Variants in NRSN1 observed in about 807,000 individuals in gnomAD.
The protein encoded by NRSN1 is neurensin 1, also known as neurensin-1.
Under a neutral mutation model 17.3 loss-of-function variants are expected in NRSN1, and 14 were observed. The observed-to-expected ratio is 0.81, with a 90% CI of 0.54 to 1.27. The LOEUF (loss-of-function observed/expected upper bound fraction) is 1.27. NRSN1 is among the 50% of genes most tolerant of loss of function. The pLI, the probability that NRSN1 is intolerant of heterozygous loss-of-function variation, is 0.00. For missense variants in NRSN1, 209 were observed against 235.9 expected (o/e 0.89, Z 0.75); for synonymous variants, 79 against 94.2 (o/e 0.84, Z 0.93).
intron 3 of NRSN1, among the ~76,000 whole-genome samples, chr6:24,143,562 A>C (rs998735441): frequency 6.6e-6 from 1 of 152,184 alleles, no homozygotes; most frequent in Non-Finnish European, 1.5e-5. Flanking sequence ...AGATTAATTT[A>C]TGTTATGTAT....
At chr6:24,131,008 C>T (rs553550660) in intron 2 of NRSN1, among the ~76,000 whole-genome samples, 7 of 152,198 alleles carry the variant, frequency 4.6e-5, no homozygotes, top group African/African-American at 1.7e-4. Flanking sequence ...ATTCTCTGCC[C>T]CGTTTAGGTA....
chr6:24,142,213 T>TTTTTTTTTTTTTC (rs957826257), intron 3 of NRSN1, among the ~76,000 whole-genome samples: 4 of 132,636 alleles, frequency 3.0e-5, no homozygotes, highest in Non-Finnish European at 6.6e-5. Flanking sequence ...TTTTTTTTTT[T>TTTTTTTTTTTTTC]TCAGAAGACA....
intron 3 of NRSN1, among the ~76,000 whole-genome samples, chr6:24,137,312 C>T (rs867607161): frequency 6.6e-6 from 1 of 152,162 alleles, no homozygotes; most frequent in African/African-American, 2.4e-5. Context: ...TTCACAGTAT[C>T]ATTCTTCCTC....
chr6:24,139,339 T>G (rs1332133735), intron 3 of NRSN1, among the ~76,000 whole-genome samples: 1 of 152,196 alleles, frequency 6.6e-6, no homozygotes, highest in Non-Finnish European at 1.5e-5. Flanking sequence ...ATGGAGATCA[T>G]CAGGACACTG....
chr6:24,140,847 T>C, intron 3 of NRSN1: 3 of 1,286,676 alleles, frequency 2.3e-6, no homozygotes, highest in Non-Finnish European at 3.0e-6. Context: ...CAGCAGTCTC[T>C]GGCCTGTAGC....
At chr6:24,142,464 T>C (rs1321852558) in intron 3 of NRSN1, among the ~76,000 whole-genome samples, 1 of 152,100 alleles carries the variant, frequency 6.6e-6, no homozygotes, top group East Asian at 1.9e-4. Context: ...TTTTTCTCTC[T>C]CTTTTTTTCC....
Position 24,146,258 on chromosome 6 carries a change from C to A in NRSN1, c.*312C>A. 1.7e-6 allele frequency: 1 copy of A among 591,062 alleles called. No individual in the cohort carries two copies. Among genetic ancestry groups the A allele is most frequent in the Non-Finnish European group, 3.3e-6 (1 of 305,438 alleles). 36.6% of individuals were successfully genotyped at this position (591,062 alleles called of 1,614,324 possible). A position where few individuals can be genotyped will look rare whatever the true frequency, so the allele number is the denominator to read the frequency against. On this transcript the variant is annotated 3_prime_UTR_variant, in exon 4 of 4. Transcript: ENST00000378491. ...TTATTTTCCGTGTTGTTTGAAAGTG[C>A]CGAACAGTTTAGACCAGCTCACCAA... is the stretch of plus-strand genomic sequence containing the variant.
In NRSN1 at chr6:24,145,951, T is replaced by C; in HGVS notation, c.*5T>C. On this transcript the variant is annotated 3_prime_UTR_variant, in exon 4 of 4. Coordinates refer to ENST00000378491, the MANE Select transcript of NRSN1 (RefSeq NM_080723.5). This position sits in a 1 kb window ranked among gnomAD's most constrained non-coding sequence, Gnocchi z 4.4. ...CAGCCTCTACTGGCAACCTGAAACCTTTCCCACCCCAGTTCTTCTTGTCTG... is the reference window on the plus strand; with the variant it reads ...CAGCCTCTACTGGCAACCTGAAACCCTTCCCACCCCAGTTCTTCTTGTCTG... The C allele has an allele frequency of 6.3e-7, 1 of 1,595,658 alleles. No individual in the cohort carries two copies. The highest frequency in any genetic ancestry group is 8.5e-7 in the Non-Finnish European group (1 of 1,172,650).
chr6:24,128,742 T>C (rs1332824751), intron 2 of NRSN1: 1 of 152,250 alleles, frequency 6.6e-6, no homozygotes, highest in Admixed American at 6.5e-5. Context: ...AAAGTGGCTA[T>C]AATGGGAACC....
intron 1 of NRSN1, among the ~76,000 whole-genome samples, chr6:24,127,437 T>C (rs1250103284): frequency 6.6e-6 from 1 of 152,186 alleles, no homozygotes; most frequent in East Asian, 1.9e-4. Flanking sequence ...TTCTTAATGA[T>C]CCCATAAAAA....
At chr6:24,142,513 C>T (rs1381335264) in intron 3 of NRSN1, among the ~76,000 whole-genome samples, 1 of 151,928 alleles carries the variant, frequency 6.6e-6, no homozygotes, top group Admixed American at 6.6e-5. Context: ...GGCTGGAGTA[C>T]AACAATGTGA....
chr6:24,126,317 C>A lies in NRSN1; in HGVS notation c.-106C>A. 1 of 168,034 alleles carries A rather than the reference C, an allele frequency of 6.0e-6. No individual in the cohort carries two copies. Among genetic ancestry groups the A allele is most frequent in the South Asian group, 1.7e-4 (1 of 5,926 alleles). The allele number at this position is 168,034 out of a possible 1,614,324, so 10.4% of individuals were successfully genotyped here. A position where few individuals can be genotyped will look rare whatever the true frequency, so the allele number is the denominator to read the frequency against. On this transcript the variant is annotated 5_prime_UTR_variant, in exon 1 of 4. Coordinates refer to ENST00000378491, the MANE Select transcript of NRSN1 (RefSeq NM_080723.5). ...TGCAGCTAGGCTGGCTGCACTTGCT[C>A]CACGGGTCAGGGGATCGGAGGGGGT...
intron 2 of NRSN1, among the ~76,000 whole-genome samples, chr6:24,133,588 T>C (rs1321845058): frequency 6.6e-6 from 1 of 152,222 alleles, no homozygotes; most frequent in Admixed American, 6.5e-5. Flanking sequence ...CCCAATTCTT[T>C]AACATGTAAG....
rs1024133015 is a variant in NRSN1 at position 24,142,864 on chromosome 6, T to G, written c.190-2684T>G. On this transcript the variant is annotated intron_variant, in intron 3 of 3. Transcript: ENST00000378491. ...CAGGGTGGAAAGAGACCAGAGCAGGTTGCGGCTACTGGCGCGGGTGGCCAG... is the reference window on the plus strand; with the variant it reads ...CAGGGTGGAAAGAGACCAGAGCAGGGTGCGGCTACTGGCGCGGGTGGCCAG... Among the ~76,000 whole-genome samples, 2 of 152,152 alleles carry G rather than the reference T, an allele frequency of 1.3e-5. 1 individual carries two copies.
intron 3 of NRSN1, among the ~76,000 whole-genome samples, chr6:24,140,583 C>T (rs1025277290): frequency 6.6e-6 from 1 of 152,198 alleles, no homozygotes; most frequent in South Asian, 2.1e-4. Context: ...AGCCCATCTT[C>T]GCTCTTGATG....
Position 24,145,684 on chromosome 6 carries a change from A to T in NRSN1, c.326A>T (p.Asn109Ile), listed in dbSNP as rs750640752. 1.2e-6 allele frequency: 2 copies of T among 1,614,190 alleles called. No homozygotes were observed. The highest frequency in any genetic ancestry group is 2.2e-5 in the South Asian group (2 of 91,076). ...GTCGACACACATGCTGTCCAGTTTAACAGTGCTCTGGACATGTACAAGCTG... is the reference window on the plus strand; with the variant it reads ...GTCGACACACATGCTGTCCAGTTTATCAGTGCTCTGGACATGTACAAGCTG... ...VVVDTHAVQF[N>I]SALDMYKLAG... is the part of the protein sequence containing the mutation. Residue 109 changes from asparagine (N) to isoleucine (I), a missense_variant, in exon 4 of 4, where the codon AAC becomes ATC. Asn to Ile is a moderately radical substitution (Grantham distance 149). Transcript: ENST00000378491. This position sits in a 1 kb window ranked among gnomAD's most constrained non-coding sequence, Gnocchi z 4.4.
At chr6:24,133,007 C>G (rs563748506) in intron 2 of NRSN1, among the ~76,000 whole-genome samples, 2 of 152,264 alleles carry the variant, frequency 1.3e-5, no homozygotes, top group African/African-American at 4.8e-5. Context: ...ACTGACAATT[C>G]CCTTATTCAA....
chr6:24,146,175 T>G lies in NRSN1; in HGVS notation c.*229T>G, dbSNP rs1439054858. 2 of 703,888 alleles carry G rather than the reference T, an allele frequency of 2.8e-6. No homozygotes were observed. The highest frequency in any genetic ancestry group is 2.0e-5 in the Admixed American group (1 of 49,600). The allele number at this position is 703,888 out of a possible 1,614,324, so 43.6% of individuals were successfully genotyped here. On this transcript the variant is annotated 3_prime_UTR_variant, in exon 4 of 4. Coordinates refer to ENST00000378491, the MANE Select transcript of NRSN1 (RefSeq NM_080723.5). ...CCAGCTGCTTAAGATGGGTGCTTCC[T>G]TGTACCCGGCCACCAGAAAACCCCT...
At chr6:24,141,338 C>A in intron 3 of NRSN1, 2 of 1,009,212 alleles carry the variant, frequency 2.0e-6, no homozygotes, top group Non-Finnish European at 2.5e-6. Context: ...AGCATGGTAC[C>A]AAGACTAAGC....
Sources: allele counts gnomAD v4.1 joint callset (sites outside exome capture counted in the v4.1 genomes callset), GRCh38; gene constraint gnomAD v4.1.1; non-coding constraint Gnocchi (gnomAD v3.1); transcripts MANE v1.5; gene names NCBI Gene and HGNC (gene_info 2026-07-23, HGNC 2026-07-21).